TEX36: variants seen among roughly 807,000 people sequenced by gnomAD.
The protein encoded by TEX36 is testis expressed 36.
A neutral mutation model predicts 13.6 loss-of-function variants in TEX36; 12 were observed. That is an observed-to-expected ratio of 0.88 (90% confidence interval 0.56 to 1.43). The LOEUF (loss-of-function observed/expected upper bound fraction) is 1.43, where lower values mean the gene tolerates loss of function less well. TEX36 is among the 40% of genes most tolerant of loss of function. The pLI, the probability that TEX36 is intolerant of heterozygous loss-of-function variation, is 0.00. For missense variants in TEX36, 224 were observed against 228.3 expected, an observed-to-expected ratio of 0.98 and a Z score of 0.12; for synonymous variants, 93 against 83.0, an observed-to-expected ratio of 1.12 and a Z score of -0.65.
intron 3 of TEX36, among the ~76,000 whole-genome samples, chr10:125,626,465 C>T (rs949397846): frequency 6.6e-6 from 1 of 152,234 alleles, no homozygotes; most frequent in Non-Finnish European, 1.5e-5. Context: ...CATTTCCTTT[C>T]TTTGTCTGTG....
Position 125,582,242 on chromosome 10 carries a change from C to A in TEX36, c.265-5368G>T, listed in dbSNP as rs535427254. 2.6e-5 allele frequency among the ~76,000 whole-genome samples: 4 copies of A among 152,342 alleles called. No homozygotes were observed. In the East Asian group the frequency reaches 7.7e-4, roughly 29 times the overall value. ...CTGATGCATCATCCCTAAGAAGAAT[C>A]ATGAGTTTCACTTCAGTGATGTCTA... On this transcript the variant is annotated intron_variant, in intron 3 of 3. Coordinates refer to the TEX36 transcript ENST00000532135.
At chr10:125,619,876 A>AAT (rs929660900), downstream of TEX36, among the ~76,000 whole-genome samples, 749 of 150,404 alleles carry the variant, frequency 5.0e-3, 6 homozygotes, top group African/African-American at 0.016. Context: ...TTTATTTATA[A>AAT]ATATATATAT....
intron 3 of TEX36, among the ~76,000 whole-genome samples, chr10:125,601,886 G>A (rs1487390785): frequency 6.6e-6 from 1 of 152,198 alleles, no homozygotes; most frequent in African/African-American, 2.4e-5. Flanking sequence ...GTGCACTGGG[G>A]TCCTCGCCCT....
At chr10:125,597,022 C>T (rs1037091068) in intron 3 of TEX36, among the ~76,000 whole-genome samples, 6 of 152,336 alleles carry the variant, frequency 3.9e-5, no homozygotes, top group Middle Eastern at 6.8e-3. Context: ...GCTAGAACAG[C>T]TGGCACCTAT....
At chr10:125,664,409 C>T (rs977830797) in intron 1 of TEX36, among the ~76,000 whole-genome samples, 15 of 152,014 alleles carry the variant, frequency 9.9e-5, no homozygotes, top group African/African-American at 3.6e-4. Flanking sequence ...TTTTGAGGAA[C>T]CTCTATACTA....
intron 3 of TEX36, among the ~76,000 whole-genome samples, chr10:125,599,691 C>A (rs1846122303): frequency 6.6e-6 from 1 of 152,196 alleles, no homozygotes; most frequent in East Asian, 1.9e-4. Context: ...GCAAAAAAAT[C>A]TGTGATGATA....
At chr10:125,663,057 T>C (rs1460771566) in intron 1 of TEX36, among the ~76,000 whole-genome samples, 6 of 152,180 alleles carry the variant, frequency 3.9e-5, no homozygotes, top group African/African-American at 7.2e-5. Context: ...TGTGGTTGGG[T>C]CAGAGGCTGG....
At chr10:125,651,893 C>G (rs561579437), downstream of TEX36, among the ~76,000 whole-genome samples, 164 of 152,284 alleles carry the variant, frequency 1.1e-3, no homozygotes, top group Middle Eastern at 0.014. Flanking sequence ...CTCCCATTCA[C>G]AATTGCTTCA....
chr10:125,655,362 T>C (rs989210276), downstream of TEX36, among the ~76,000 whole-genome samples: 2 of 152,144 alleles, frequency 1.3e-5, no homozygotes, highest in African/African-American at 4.8e-5. Context: ...GGAGAATCGC[T>C]TGAACCCAGA....
At chr10:125,616,237 C>T (rs561174680) in intron 3 of TEX36, among the ~76,000 whole-genome samples, 1 of 152,152 alleles carries the variant, frequency 6.6e-6, no homozygotes, top group Non-Finnish European at 1.5e-5. Flanking sequence ...AAAACCAGCT[C>T]CTGGATTCAT....
chr10:125,588,489 C>T (rs1017386814), intron 3 of TEX36, among the ~76,000 whole-genome samples: 11 of 152,138 alleles, frequency 7.2e-5, no homozygotes, highest in African/African-American at 2.7e-4. Context: ...CTAGTGAAGA[C>T]CTCAGGAAGC....
chr10:125,666,188 T>G (rs1847118807), intron 1 of TEX36, among the ~76,000 whole-genome samples: 1 of 152,208 alleles, frequency 6.6e-6, no homozygotes. Context: ...ATGCTTTTTA[T>G]TTCTTTCTCT....
In TEX36 at chr10:125,646,098, G is replaced by A. The variant is rs570968563; in HGVS notation, c.264+14923C>T. 3.3e-5 allele frequency among the ~76,000 whole-genome samples: 5 copies of A among 152,326 alleles called. No homozygotes were observed. The South Asian group carries it at 1.0e-3, about 32-fold the overall frequency. Reference sequence around the variant, plus strand: ...AATCCCAGTATTTGAGGAGGCCCAGGTGGGAGGATCACTTGAGCTCAGGAG... The same window carrying A: ...AATCCCAGTATTTGAGGAGGCCCAGATGGGAGGATCACTTGAGCTCAGGAG... On this transcript the variant is annotated intron_variant, in intron 3 of 3. Transcript: ENST00000526819.
At chr10:125,644,545 C>A (rs1352553413) in intron 3 of TEX36, among the ~76,000 whole-genome samples, 1 of 152,118 alleles carries the variant, frequency 6.6e-6, no homozygotes, top group Non-Finnish European at 1.5e-5. Context: ...AATTTTGTAG[C>A]CAGAAAAACA....
chr10:125,608,971 C>T (rs1589752777), intron 3 of TEX36, among the ~76,000 whole-genome samples: 1 of 66,188 alleles, frequency 1.5e-5, no homozygotes, highest in Admixed American at 1.7e-4. Flanking sequence ...CCCACCTCTA[C>T]TAAAAAAAAA....
chr10:125,582,447 G>GCATGGT (rs558702934), intron 3 of TEX36, among the ~76,000 whole-genome samples: 11 of 152,184 alleles, frequency 7.2e-5, no homozygotes, highest in Non-Finnish European at 1.3e-4. Context: ...AGTCTCAAGA[G>GCATGGT]CATGGTCATG....
chr10:125,675,167 G>C (rs1296312714), intron 1 of TEX36, among the ~76,000 whole-genome samples: 2 of 152,190 alleles, frequency 1.3e-5, no homozygotes, highest in African/African-American at 4.8e-5. Flanking sequence ...GGATGGACCA[G>C]AGTCCAGCTT....
At chr10:125,593,149 C>A (rs1241810359) in intron 3 of TEX36, among the ~76,000 whole-genome samples, 1 of 152,218 alleles carries the variant, frequency 6.6e-6, no homozygotes, top group African/African-American at 2.4e-5. Context: ...AGAGTTGATT[C>A]TTCTGGCAAC....
intron 3 of TEX36, among the ~76,000 whole-genome samples, chr10:125,587,972 T>C (rs939019941): frequency 5.9e-5 from 9 of 152,184 alleles, no homozygotes; most frequent in African/African-American, 2.2e-4. Flanking sequence ...TTTTTTTGTT[T>C]TTTAACTAGA....
Sources: gnomAD v4.1 joint callset for allele counts (sites outside exome capture counted in the v4.1 genomes callset) on GRCh38, gnomAD v4.1.1 for gene constraint, MANE v1.5 for transcripts, NCBI Gene and HGNC (gene_info 2026-07-23, HGNC 2026-07-21) for gene names.